The following DMXL2 variants were observed in gnomAD, a reference collection of about 807,000 sequenced individuals.
The protein encoded by DMXL2 is dmX-like protein 2.
Under a neutral mutation model 331.1 loss-of-function variants are expected in DMXL2, and 103 were observed. The observed-to-expected ratio is 0.31, with a 90% CI of 0.27 to 0.37. The LOEUF (loss-of-function observed/expected upper bound fraction) is 0.37. Ranked by LOEUF, DMXL2 falls within the 10% of genes least tolerant of loss-of-function variation. The pLI is 1.00. For missense variants in DMXL2, 3,171 were observed against 3,642.9 expected (o/e 0.87, Z 3.33); for synonymous variants, 1,281 against 1,252.1 (o/e 1.02, Z -0.49).
At chr15:51,573,917 TA>T (rs549503230) in intron 2 of DMXL2, among the ~76,000 whole-genome samples, 25 of 152,134 alleles carry the variant, frequency 1.6e-4, no homozygotes, top group African/African-American at 4.8e-4. Flanking sequence ...AAATAACTAT[TA>T]AAAAATACAT....
At chr15:51,563,049 C>T (rs2050065953) in intron 6 of DMXL2, among the ~76,000 whole-genome samples, 1 of 152,158 alleles carries the variant, frequency 6.6e-6, no homozygotes, top group Non-Finnish European at 1.5e-5. Context: ...AATAATGAGG[C>T]AAGCAGTACA....
At chr15:51,537,882 AAAAC>A (rs1053840956) in intron 10 of DMXL2, 123 bp from the exon 11 acceptor site, 9 of 1,197,124 alleles carry the variant, frequency 7.5e-6, no homozygotes, top group African/African-American at 4.6e-5. Context: ...GTCAGAAAAA[AAAAC>A]AAAGGAAACT....
intron 1 of DMXL2, among the ~76,000 whole-genome samples, chr15:51,579,793 C>A (rs2051287111): frequency 6.6e-6 from 1 of 152,134 alleles, no homozygotes; most frequent in Admixed American, 6.5e-5. Flanking sequence ...TGTAGAAGAT[C>A]TACTAGAAGA....
intron 9 of DMXL2, among the ~76,000 whole-genome samples, chr15:51,539,724 G>C (rs2048484625): frequency 6.6e-6 from 1 of 152,098 alleles, no homozygotes; most frequent in African/African-American, 2.4e-5. Flanking sequence ...TGGTAGGATT[G>C]CCTGAGCCGG....
chr15:51,532,655 T>C (rs2048069038), intron 13 of DMXL2, among the ~76,000 whole-genome samples: 1 of 152,110 alleles, frequency 6.6e-6, no homozygotes, highest in African/African-American at 2.4e-5. Context: ...AATATATACA[T>C]CTACTATGTA....
intron 1 of DMXL2, among the ~76,000 whole-genome samples, chr15:51,602,530 G>C (rs1364305424): frequency 6.6e-6 from 1 of 152,136 alleles, no homozygotes; most frequent in African/African-American, 2.4e-5. Context: ...GAAAGTACCA[G>C]GAAAGTCACA....
chr15:51,463,670 T>G (rs1478070979), intron 32 of DMXL2, among the ~76,000 whole-genome samples, 174 bp from the exon 33 acceptor site: 2 of 152,210 alleles, frequency 1.3e-5, no homozygotes, highest in African/African-American at 4.8e-5. Flanking sequence ...CTGTACAGTT[T>G]ACTTTTAATT....
intron 13 of DMXL2, among the ~76,000 whole-genome samples, chr15:51,526,515 A>C (rs544155376): frequency 1.3e-4 from 20 of 152,230 alleles, no homozygotes; most frequent in Non-Finnish European, 2.8e-4. Context: ...ACAACTATCA[A>C]GACAATTCAG....
In DMXL2 at chr15:51,463,499, A is replaced by G; in HGVS notation, c.7809-3T>C. On this transcript the variant is annotated splice_region_variant and splice_polypyrimidine_tract_variant and intron_variant, in intron 32 of 43. Transcript: ENST00000560891. ...GAAATGCAGAAGAATCCCGGGACCTATTAAAAAAAATTAACATATCACACT... is the reference window on the plus strand; with the variant it reads ...GAAATGCAGAAGAATCCCGGGACCTGTTAAAAAAAATTAACATATCACACT... 6.6e-7 allele frequency: 1 copy of G among 1,512,386 alleles called. No homozygotes were observed. Among genetic ancestry groups the G allele is most frequent in the Non-Finnish European group, 9.0e-7 (1 of 1,116,772 alleles). The allele number at this position is 1,512,386 out of a possible 1,614,324, so 93.7% of individuals were successfully genotyped here.
At chr15:51,517,640 C>G (rs1596089898) in intron 13 of DMXL2, among the ~76,000 whole-genome samples, 1 of 152,204 alleles carries the variant, frequency 6.6e-6, no homozygotes. Flanking sequence ...CTAAAAAGAA[C>G]AGTCCTCCTC....
intron 33 of DMXL2, 124 bp from the exon 34 acceptor site, chr15:51,459,784 A>C: frequency 8.2e-7 from 1 of 1,214,744 alleles, no homozygotes; most frequent in South Asian, 1.4e-5. Flanking sequence ...TGAATTTGCA[A>C]AATCAAGAAA....
Position 51,500,023 on chromosome 15 carries a change from A to G in DMXL2, c.3201T>C (p.Ile1067=), listed in dbSNP as rs779274239. The change falls in exon 18 of 44, where the codon ATT becomes ATC. Residue 1067 remains isoleucine (I), a synonymous_variant. Coordinates refer to ENST00000560891, the MANE Select transcript of DMXL2 (RefSeq NM_001378457.1). ...AGCTAACAGCAACTGGTCTTCCCAC[A>G]ATGCTCACTGTACTGCTATTATCTT... ...EGEDNSSTVS[I]VGRPVAVSCS... The G allele has an allele frequency of 1.2e-6, 2 of 1,614,160 alleles. No homozygotes were observed. The highest frequency in any genetic ancestry group is 3.3e-5 in the Admixed American group (2 of 60,024).
intron 1 of DMXL2, among the ~76,000 whole-genome samples, chr15:51,591,717 C>T (rs1477726012): frequency 6.6e-6 from 1 of 152,200 alleles, no homozygotes; most frequent in East Asian, 1.9e-4. Context: ...GCCGGGTACT[C>T]CTCTGAGACA....
chr15:51,480,803 T>C lies in DMXL2; in HGVS notation c.6303A>G (p.Thr2101=), dbSNP rs766447500. 2 of 1,609,108 alleles carry C rather than the reference T, an allele frequency of 1.2e-6. No homozygotes were observed. The highest frequency in any genetic ancestry group is 1.1e-5 in the South Asian group (1 of 90,294). The change falls in exon 24 of 44, where the codon ACA becomes ACG. Residue 2101 remains threonine (T), a synonymous_variant. Transcript: ENST00000560891. ...GCAGATCACTCTCTACTTTGGAATA[T>C]GTCTTACTGGAATACTCTTTAATAA... The part of the protein sequence containing the change: ...ESVIKEYSSK[T]YSKVESDLLD...
intron 13 of DMXL2, among the ~76,000 whole-genome samples, chr15:51,517,667 G>C (rs2047111747): frequency 1.3e-5 from 2 of 152,304 alleles, no homozygotes; most frequent in South Asian, 4.1e-4. Flanking sequence ...GTTCCAACCA[G>C]CTTTCTCTTG....
chr15:51,555,667 G>C (rs970971706), intron 6 of DMXL2, among the ~76,000 whole-genome samples: 1 of 152,008 alleles, frequency 6.6e-6, no homozygotes, highest in Non-Finnish European at 1.5e-5. Flanking sequence ...CAAAACTGAA[G>C]AAGAAATCAC....
rs550807514 is a variant in DMXL2 at position 51,514,384 on chromosome 15, C to T, written c.2644+58G>A. ...TTTGAAGATCCATACTCAGTGAAAA[C>T]TTAGAGATCATTTTTTAGCATGAAG... On this transcript the variant is annotated intron_variant, in intron 15 of 43. Transcript: ENST00000560891. 9 of 1,023,484 alleles carry T rather than the reference C, an allele frequency of 8.8e-6. No individual in the cohort carries two copies. The African/African-American group carries it at 1.2e-4, about 13-fold the overall frequency. The allele number at this position is 1,023,484 out of a possible 1,614,324, so 63.4% of individuals were successfully genotyped here.
intron 13 of DMXL2, among the ~76,000 whole-genome samples, chr15:51,529,888 G>A (rs2047902050): frequency 6.6e-6 from 1 of 151,984 alleles, no homozygotes; most frequent in Non-Finnish European, 1.5e-5. Context: ...TCAACAATAT[G>A]ATTAAAATGA....
At chr15:51,616,174 T>A (rs2054272454) in intron 1 of DMXL2, among the ~76,000 whole-genome samples, 1 of 152,152 alleles carries the variant, frequency 6.6e-6, no homozygotes, top group Admixed American at 6.5e-5. Flanking sequence ...CTAAAATCAC[T>A]CCCACCAAAT....
Sources: allele counts gnomAD v4.1 joint callset (sites outside exome capture counted in the v4.1 genomes callset), GRCh38; gene constraint gnomAD v4.1.1; transcripts MANE v1.5; gene names NCBI Gene and HGNC (gene_info 2026-07-23, HGNC 2026-07-21).